The following GRM1 variants were observed in gnomAD, a reference collection of about 807,000 sequenced individuals.
GRM1 encodes the protein glutamate metabotropic receptor 1.
A neutral mutation model predicts 90.9 loss-of-function variants in GRM1; 33 were observed. The observed-to-expected ratio is 0.36, with a 90% CI of 0.28 to 0.49. GRM1 has a LOEUF of 0.49. Ranked by LOEUF, GRM1 falls within the 20% of genes least tolerant of loss-of-function variation. GRM1 has a pLI of 0.99. For synonymous variants in GRM1, 700 were observed against 613.2 expected (o/e 1.14, Z -2.09); for missense variants, 1,190 against 1,534.3 (o/e 0.78, Z 3.75).
chr6:146,324,687 G>T (rs1255066275), intron 3 of GRM1, among the ~76,000 whole-genome samples: 6 of 151,984 alleles, frequency 3.9e-5, no homozygotes, highest in Non-Finnish European at 7.4e-5. Flanking sequence ...GGAGTTCCCT[G>T]ACCCTTTGCG....
intron 1 of GRM1, among the ~76,000 whole-genome samples, chr6:146,061,662 G>A (rs1483399005): frequency 6.6e-6 from 1 of 151,904 alleles, no homozygotes; most frequent in Non-Finnish European, 1.5e-5. Flanking sequence ...TGAAGGATAT[G>A]AACAAACACT....
chr6:146,175,993 A>G (rs1278927468), intron 2 of GRM1, among the ~76,000 whole-genome samples: 3 of 152,160 alleles, frequency 2.0e-5, no homozygotes, highest in African/African-American at 7.2e-5. Context: ...TAACTATAGT[A>G]ACTATCTCCT....
At chr6:146,173,533 ATAAT>A (rs1778221147) in intron 2 of GRM1, among the ~76,000 whole-genome samples, 1 of 152,104 alleles carries the variant, frequency 6.6e-6, no homozygotes, top group Non-Finnish European at 1.5e-5. Context: ...GAATAGTAAA[ATAAT>A]TAAGAGCCAC....
At chr6:146,130,950 C>T (rs1776377698) in intron 1 of GRM1, among the ~76,000 whole-genome samples, 1 of 152,128 alleles carries the variant, frequency 6.6e-6, no homozygotes, top group Admixed American at 6.6e-5. Context: ...CTGATGATCA[C>T]AGATGGAAGT....
intron 1 of GRM1, among the ~76,000 whole-genome samples, chr6:146,096,417 C>A (rs1238857553): frequency 6.6e-6 from 1 of 152,160 alleles, no homozygotes; most frequent in Non-Finnish European, 1.5e-5. Context: ...TTACTTTCAG[C>A]CATCAGCTAT....
chr6:146,140,753 GT>G (rs1776847415), intron 1 of GRM1, among the ~76,000 whole-genome samples: 1 of 151,958 alleles, frequency 6.6e-6, no homozygotes, highest in African/African-American at 2.4e-5. Context: ...TGTTGAAAAA[GT>G]TTTTAACTTT....
rs146401987 is a variant in GRM1, at chr6:146,072,012, G to A, written c.700+41795G>A. 2.7e-4 allele frequency among the ~76,000 whole-genome samples: 41 copies of A among 152,234 alleles called. No individual in the cohort carries two copies. In the East Asian group the frequency reaches 6.4e-3, roughly 24 times the overall value. ...ATCTTGGCAGCACAATGCAGCATTCGTGACACTAGTGTTTCATGAAGAGGA... is the reference window on the plus strand; with the variant it reads ...ATCTTGGCAGCACAATGCAGCATTCATGACACTAGTGTTTCATGAAGAGGA... On this transcript the variant is annotated intron_variant, in intron 1 of 7. Coordinates refer to ENST00000282753, the MANE Select transcript of GRM1 (RefSeq NM_001278064.2).
chr6:146,136,280 C>T (rs1029487640), intron 1 of GRM1, among the ~76,000 whole-genome samples: 1 of 152,126 alleles, frequency 6.6e-6, no homozygotes, highest in Non-Finnish European at 1.5e-5. Context: ...GTTTTCTTTT[C>T]TTTTGGGTCT....
intron 7 of GRM1, among the ~76,000 whole-genome samples, chr6:146,432,086 T>C (rs1338169565): frequency 2.6e-5 from 4 of 152,226 alleles, no homozygotes; most frequent in African/African-American, 9.6e-5. Flanking sequence ...AGTGTGGAAG[T>C]CAATAAGACA....
chr6:146,405,833 G>A (rs1227469844), intron 7 of GRM1, among the ~76,000 whole-genome samples: 1 of 152,108 alleles, frequency 6.6e-6, no homozygotes, highest in South Asian at 2.1e-4. Context: ...TTCAATAGAT[G>A]AATTTTGGGG....
chr6:146,174,357 A>T (rs979354785), intron 2 of GRM1, among the ~76,000 whole-genome samples: 1 of 152,152 alleles, frequency 6.6e-6, no homozygotes, highest in African/African-American at 2.4e-5. Flanking sequence ...AAATATGAAT[A>T]TTATTTTTTC....
At chr6:146,292,806 G>C (rs1390547958) in intron 2 of GRM1, among the ~76,000 whole-genome samples, 2 of 151,878 alleles carry the variant, frequency 1.3e-5, no homozygotes, top group Non-Finnish European at 2.9e-5. Context: ...TCAAAAAAAT[G>C]CATGTATACA....
chr6:146,178,374 T>G (rs1195637962), intron 2 of GRM1, among the ~76,000 whole-genome samples: 2 of 152,188 alleles, frequency 1.3e-5, no homozygotes, highest in African/African-American at 4.8e-5. Context: ...TGAGTATCCC[T>G]TAGCTGAAAT....
intron 1 of GRM1, among the ~76,000 whole-genome samples, chr6:146,134,723 T>C (rs1251103325): frequency 6.6e-6 from 1 of 151,988 alleles, no homozygotes; most frequent in East Asian, 1.9e-4. Context: ...GAGGTCAGAA[T>C]ATTGAGACCA....
chr6:146,350,016 G>T (rs1460193185), intron 3 of GRM1, among the ~76,000 whole-genome samples: 1 of 152,088 alleles, frequency 6.6e-6, no homozygotes, highest in Non-Finnish European at 1.5e-5. Flanking sequence ...CAAAATAATT[G>T]TTGCTAACAC....
At chr6:146,433,207 T>C (rs1359474618) in intron 7 of GRM1, among the ~76,000 whole-genome samples, 2 of 152,304 alleles carry the variant, frequency 1.3e-5, no homozygotes, top group South Asian at 2.1e-4. Flanking sequence ...GTGTGAGAAA[T>C]AATGCATTGA....
chr6:146,217,314 A>C (rs546332366), intron 2 of GRM1, among the ~76,000 whole-genome samples: 1 of 152,302 alleles, frequency 6.6e-6, no homozygotes, highest in Non-Finnish European at 1.5e-5. Flanking sequence ...TAGTGTGTTC[A>C]TTGTCAAATT....
intron 2 of GRM1, among the ~76,000 whole-genome samples, chr6:146,240,330 TA>T (rs1780808422): frequency 6.6e-6 from 1 of 151,912 alleles, no homozygotes; most frequent in African/African-American, 2.4e-5. Flanking sequence ...AGAGTGTTAA[TA>T]AAAGACTCTT....
intron 1 of GRM1, among the ~76,000 whole-genome samples, chr6:146,133,501 T>G (rs940148076): frequency 6.6e-5 from 10 of 152,216 alleles, no homozygotes; most frequent in Admixed American, 2.0e-4. Context: ...TGTGAACTAT[T>G]CCTTTCTATT....
Sources: allele counts gnomAD v4.1 joint callset (sites outside exome capture counted in the v4.1 genomes callset), GRCh38; gene constraint gnomAD v4.1.1; transcripts MANE v1.5; gene names NCBI Gene and HGNC (gene_info 2026-07-23, HGNC 2026-07-21).